Variants in SNX29 observed in about 807,000 individuals in gnomAD.
SNX29 encodes the protein sorting nexin-29.
In SNX29, 78 loss-of-function variants were observed where a neutral mutation model predicts 102.1. That is an observed-to-expected ratio of 0.76 (90% CI 0.64 to 0.92). The LOEUF (loss-of-function observed/expected upper bound fraction) is 0.92. SNX29 is among the 40% of genes least tolerant of loss of function. The pLI is 0.00. For synonymous variants in SNX29, 580 were observed against 414.5 expected (o/e 1.40, Z -4.85); for missense variants, 1,280 against 1,061.7 (o/e 1.21, Z -2.86).
At chr16:12,447,591 A>G (rs758939492) in intron 18 of SNX29, among the ~76,000 whole-genome samples, 5 of 152,274 alleles carry the variant, frequency 3.3e-5, no homozygotes, top group Admixed American at 6.5e-5. Context: ...TAGGTCTTAC[A>G]GCAAAATCAA....
Position 12,572,045 on chromosome 16 carries a change from G to T in SNX29, c.*3416G>T. 3.8e-6 allele frequency: 4 copies of T among 1,063,572 alleles called. No homozygotes were observed. The highest frequency in any genetic ancestry group is 3.4e-6 in the Non-Finnish European group (3 of 878,172). 65.9% of individuals were successfully genotyped at this position (1,063,572 alleles called of 1,614,324 possible). On this transcript the variant is annotated 3_prime_UTR_variant, in exon 21 of 21. Coordinates refer to ENST00000566228, the MANE Select transcript of SNX29 (RefSeq NM_032167.5). The stretch of plus-strand genomic sequence containing the variant: ...ATAAAAGGGATCATCCAGTGGAGTT[G>T]TAAACAAGGGAACCATCTTGCAAGA...
chr16:12,173,294 A>C (rs1317634795), intron 13 of SNX29, among the ~76,000 whole-genome samples: 2 of 152,198 alleles, frequency 1.3e-5, no homozygotes, highest in African/African-American at 4.8e-5. Context: ...GCAATGTTAT[A>C]TTCCCTGAGT....
chr16:12,436,125 G>T (rs1012892719), intron 18 of SNX29, among the ~76,000 whole-genome samples: 1 of 152,182 alleles, frequency 6.6e-6, no homozygotes, highest in Non-Finnish European at 1.5e-5. Flanking sequence ...GTAGCTGAAG[G>T]TTGATTTTCC....
At chr16:12,526,907 GTTGCCATC>G in intron 20 of SNX29, 1 of 391,298 alleles carries the variant, frequency 2.6e-6, no homozygotes, top group Non-Finnish European at 4.8e-6. Flanking sequence ...AGCCATGCTG[GTTGCCATC>G]AGTCAGCACG....
intron 13 of SNX29, among the ~76,000 whole-genome samples, chr16:12,147,903 G>T (rs1367255418): frequency 6.6e-6 from 1 of 152,144 alleles, no homozygotes; most frequent in African/African-American, 2.4e-5. Context: ...TTGGAGCCTG[G>T]GAGGGGAACA....
At chr16:12,340,676 G>A (rs967204228) in intron 15 of SNX29, among the ~76,000 whole-genome samples, 1 of 152,156 alleles carries the variant, frequency 6.6e-6, no homozygotes, top group Admixed American at 6.5e-5. Flanking sequence ...GAGAACAGTC[G>A]GGAGGGACCA....
At position 12,571,084 on chromosome 16, in the gene SNX29, C is replaced by T. The variant is rs142690853; in HGVS notation, c.*2455C>T. The T allele has an allele frequency of 8.6e-6, 2 of 232,742 alleles. No homozygotes were observed. The highest frequency in any genetic ancestry group is 3.6e-4 in the South Asian group (2 of 5,526). 14.4% of individuals were successfully genotyped at this position (232,742 alleles called of 1,614,324 possible). On this transcript the variant is annotated 3_prime_UTR_variant, in exon 21 of 21. Transcript: ENST00000566228. ...GCTGGTGGCCCGCACATGACAGCAA[C>T]TCCCCGAAGCCTTCCCTTTGGAATC... is the stretch of plus-strand genomic sequence containing the variant.
At chr16:12,401,583 C>T (rs1222038229) in intron 17 of SNX29, among the ~76,000 whole-genome samples, 4 of 151,844 alleles carry the variant, frequency 2.6e-5, no homozygotes, top group Admixed American at 2.0e-4. Flanking sequence ...AGGCTGGTCT[C>T]GAACTCCTGA....
intron 20 of SNX29, among the ~76,000 whole-genome samples, chr16:12,549,621 A>G (rs1432856218): frequency 6.6e-6 from 1 of 152,198 alleles, no homozygotes; most frequent in African/African-American, 2.4e-5. Flanking sequence ...CTTGCCCTCC[A>G]CACGCTCTGT....
At chr16:12,104,298 G>A (rs1392700244) in intron 11 of SNX29, among the ~76,000 whole-genome samples, 1 of 152,210 alleles carries the variant, frequency 6.6e-6, no homozygotes, top group Non-Finnish European at 1.5e-5. Context: ...GCTCATGCCT[G>A]TAATCCCAGC....
intron 14 of SNX29, among the ~76,000 whole-genome samples, chr16:12,225,969 C>G (rs1327269805): frequency 6.6e-6 from 1 of 152,202 alleles, no homozygotes; most frequent in Non-Finnish European, 1.5e-5. Flanking sequence ...CACTGGGAAA[C>G]TAGCCAGCAT....
intron 20 of SNX29, among the ~76,000 whole-genome samples, chr16:12,539,682 C>G (rs139497765): frequency 6.6e-6 from 1 of 152,182 alleles, no homozygotes; most frequent in African/African-American, 2.4e-5. Context: ...TTGCTCTGCA[C>G]CCTGGGCAGC....
chr16:12,240,290 C>T (rs2078062381), intron 14 of SNX29, among the ~76,000 whole-genome samples: 1 of 152,150 alleles, frequency 6.6e-6, no homozygotes, highest in South Asian at 2.1e-4. Context: ...AACATGCTTC[C>T]CAGAAAAACA....
intron 13 of SNX29, among the ~76,000 whole-genome samples, chr16:12,137,439 T>G (rs2054704919): frequency 6.6e-6 from 1 of 152,210 alleles, no homozygotes. Flanking sequence ...CTGCCCAGTG[T>G]GTGTCCCTTT....
chr16:12,510,378 C>A (rs553005487), intron 19 of SNX29, among the ~76,000 whole-genome samples: 90 of 152,074 alleles, frequency 5.9e-4, no homozygotes, highest in Non-Finnish European at 9.7e-4. Flanking sequence ...TGAGGCCAAA[C>A]TGCATAAGGA....
chr16:12,428,296 C>T (rs961981433), intron 18 of SNX29, among the ~76,000 whole-genome samples: 1 of 152,128 alleles, frequency 6.6e-6, no homozygotes, highest in Admixed American at 6.6e-5. Flanking sequence ...ACAATTTGGA[C>T]ATTGGAATGG....
Position 12,035,896 on chromosome 16 carries a change from G to A in SNX29, c.248-7001G>A, listed in dbSNP as rs146618508. ...GGGGTGATAAAGCTGGCTTCATCCCGTTCCCTTTCTTCCTGCTCAATTGTA... is the reference window on the plus strand; with the variant it reads ...GGGGTGATAAAGCTGGCTTCATCCCATTCCCTTTCTTCCTGCTCAATTGTA... On this transcript the variant is annotated intron_variant, in intron 4 of 20. Coordinates refer to ENST00000566228, the MANE Select transcript of SNX29 (RefSeq NM_032167.5). Among the ~76,000 whole-genome samples, 705 of 152,184 alleles carry A rather than the reference G, an allele frequency of 4.6e-3. 14 individuals are homozygous for A. Among genetic ancestry groups the A allele is most frequent in the African/African-American group, 0.016 (673 of 41,518 alleles).
At position 12,398,472 on chromosome 16, in the gene SNX29, C is replaced by T. The variant is rs758809218; in HGVS notation, c.1926C>T (p.Ser642=). Reference sequence around the variant, plus strand: ...TGCCTGGAGATTTGAGTCAAACGTCCGAAGACCAGAGTTTGTCGGATTTTG... The same window carrying T: ...TGCCTGGAGATTTGAGTCAAACGTCTGAAGACCAGAGTTTGTCGGATTTTG... ...GPVPGDLSQT[S]EDQSLSDFEI... Residue 642 remains serine (S), a synonymous_variant, in exon 17 of 21, where the codon TCC becomes TCT. Coordinates refer to ENST00000566228, the MANE Select transcript of SNX29 (RefSeq NM_032167.5). The T allele has an allele frequency of 5.3e-5, 85 of 1,613,828 alleles. No homozygotes were observed. Among genetic ancestry groups the T allele is most frequent in the Non-Finnish European group, 5.6e-5 (66 of 1,179,874 alleles).
At chr16:12,068,670 G>A (rs113848874) in intron 9 of SNX29, among the ~76,000 whole-genome samples, 8,350 of 152,106 alleles carry the variant, frequency 0.055, 567 homozygotes, top group African/African-American at 0.16. Context: ...TCAGCCTCCC[G>A]AGTAGTTGGG....
Sources: allele counts gnomAD v4.1 joint callset (sites outside exome capture counted in the v4.1 genomes callset), GRCh38; gene constraint gnomAD v4.1.1; transcripts MANE v1.5; gene names NCBI Gene and HGNC (gene_info 2026-07-23, HGNC 2026-07-21).